The following CNTN5 variants were observed in gnomAD, a reference collection of about 807,000 sequenced individuals.
The protein encoded by CNTN5 is contactin-5.
Under a neutral mutation model 129.1 loss-of-function variants are expected in CNTN5, and 77 were observed. That is an observed-to-expected ratio of 0.60 (90% CI 0.50 to 0.72). The LOEUF is 0.72. Among genes scored for constraint, CNTN5 ranks in the 30% least tolerant of loss-of-function variants. The pLI is 0.00. For synonymous variants in CNTN5, 509 were observed against 465.6 expected (o/e 1.09, Z -1.20); for missense variants, 1,478 against 1,328.8 (o/e 1.11, Z -1.75).
At chr11:99,868,110 G>T (rs968889551) in intron 6 of CNTN5, among the ~76,000 whole-genome samples, 5 of 151,984 alleles carry the variant, frequency 3.3e-5, no homozygotes, top group Non-Finnish European at 5.9e-5. Context: ...CAGCTACTCG[G>T]GAAGATGAGG....
chr11:100,341,006 A>G (rs995133866), intron 22 of CNTN5, 87 bp from the exon 23 acceptor site: 3 of 1,001,764 alleles, frequency 3.0e-6, no homozygotes, highest in Non-Finnish European at 4.7e-6. Context: ...ACTAAGCAGG[A>G]GAAAAGATTG....
At chr11:99,985,073 C>T (rs913081264) in intron 8 of CNTN5, among the ~76,000 whole-genome samples, 1 of 152,244 alleles carries the variant, frequency 6.6e-6, no homozygotes, top group Non-Finnish European at 1.5e-5. Flanking sequence ...CTTCTTCGCT[C>T]CACTACCCAT....
intron 15 of CNTN5, among the ~76,000 whole-genome samples, chr11:100,216,364 T>G (rs527576997): frequency 1.3e-5 from 2 of 152,142 alleles, no homozygotes; most frequent in Non-Finnish European, 2.9e-5. Flanking sequence ...AATATTAATC[T>G]TAAAAGATAA....
intron 6 of CNTN5, among the ~76,000 whole-genome samples, chr11:99,909,353 A>T (rs1454204709): frequency 6.6e-6 from 1 of 152,092 alleles, no homozygotes; most frequent in Non-Finnish European, 1.5e-5. Flanking sequence ...ACACTTTTAC[A>T]CTGTTGGTGG....
Position 99,647,788 on chromosome 11 carries a change from AT to A in CNTN5, c.55+91529del, listed in dbSNP as rs200264282. ...CATTAAATTTATTCCAAGGCATTTT[AT>A]TTTTTTTTTGTATCTATACTAATGG... On this transcript the variant is annotated intron_variant, in intron 3 of 24. Coordinates refer to ENST00000524871, the MANE Select transcript of CNTN5 (RefSeq NM_014361.4). Among the ~76,000 whole-genome samples, 1,045 of 147,568 alleles carry A rather than the reference AT, an allele frequency of 7.1e-3. 68 individuals carry two copies. The East Asian group carries it at 0.17, about 24-fold the overall frequency.
intron 3 of CNTN5, among the ~76,000 whole-genome samples, chr11:99,677,558 T>G (rs1470958814): frequency 6.6e-6 from 1 of 152,174 alleles, no homozygotes; most frequent in Non-Finnish European, 1.5e-5. Context: ...ACTTTTGCAA[T>G]AAGAATAACT....
At chr11:99,305,701 C>T (rs1256121867) in intron 1 of CNTN5, among the ~76,000 whole-genome samples, 21 of 151,966 alleles carry the variant, frequency 1.4e-4, no homozygotes, top group Admixed American at 1.4e-3. Flanking sequence ...TTTATCTTGG[C>T]CAGGTGTGGT....
chr11:99,720,624 T>C (rs1310101281), intron 3 of CNTN5, among the ~76,000 whole-genome samples: 3 of 151,998 alleles, frequency 2.0e-5, no homozygotes, highest in African/African-American at 4.8e-5. Context: ...ACCACTCCTA[T>C]TCAACATAGT....
intron 2 of CNTN5, among the ~76,000 whole-genome samples, chr11:99,327,407 T>G (rs1865831650): frequency 6.6e-6 from 1 of 152,192 alleles, no homozygotes; most frequent in Non-Finnish European, 1.5e-5. Context: ...TCTAATTAAT[T>G]TTTTAGAAGA....
intron 2 of CNTN5, among the ~76,000 whole-genome samples, chr11:99,460,836 TA>T (rs1482541832): frequency 6.6e-6 from 1 of 152,014 alleles, no homozygotes; most frequent in Non-Finnish European, 1.5e-5. Flanking sequence ...TCTTACATAG[TA>T]AAATACATAT....
chr11:99,750,431 A>G (rs764837512), intron 3 of CNTN5, among the ~76,000 whole-genome samples: 1 of 152,168 alleles, frequency 6.6e-6, no homozygotes, highest in Non-Finnish European at 1.5e-5. Flanking sequence ...TTGTAACTAC[A>G]TCAGATTGAT....
At chr11:99,848,905 G>A (rs1450009677) in intron 6 of CNTN5, among the ~76,000 whole-genome samples, 2 of 152,068 alleles carry the variant, frequency 1.3e-5, no homozygotes, top group Non-Finnish European at 2.9e-5. Context: ...CTGTTTAACA[G>A]ACCAGTTCAC....
intron 2 of CNTN5, among the ~76,000 whole-genome samples, chr11:99,475,783 G>C (rs186360908): frequency 7.0e-4 from 106 of 151,720 alleles, no homozygotes; most frequent in Non-Finnish European, 1.2e-3. Flanking sequence ...TTTGTCTAAT[G>C]CTTTTTTTTT....
At chr11:99,944,690 A>G (rs892967748) in intron 7 of CNTN5, among the ~76,000 whole-genome samples, 4 of 152,106 alleles carry the variant, frequency 2.6e-5, no homozygotes, top group African/African-American at 9.7e-5. Context: ...TCAATGTGCA[A>G]AAATCGCAAG....
At chr11:100,105,867 C>T (rs372828743) in intron 13 of CNTN5, among the ~76,000 whole-genome samples, 1 of 152,180 alleles carries the variant, frequency 6.6e-6, no homozygotes, top group Admixed American at 6.5e-5. Flanking sequence ...GTCTTTCACA[C>T]ATGCAAGTTC....
chr11:99,869,220 T>C (rs1038552115), intron 6 of CNTN5, among the ~76,000 whole-genome samples: 17 of 152,170 alleles, frequency 1.1e-4, no homozygotes, highest in Middle Eastern at 3.2e-3. Flanking sequence ...TACATTTTCA[T>C]ACCTGGGCCT....
intron 2 of CNTN5, among the ~76,000 whole-genome samples, chr11:99,533,564 T>G (rs544307858): frequency 9.3e-4 from 142 of 152,312 alleles, no homozygotes; most frequent in African/African-American, 3.2e-3. Flanking sequence ...GGGGCTTCAG[T>G]AGGGAGAAGG....
At chr11:99,452,531 C>T (rs968609799) in intron 2 of CNTN5, among the ~76,000 whole-genome samples, 1 of 151,922 alleles carries the variant, frequency 6.6e-6, no homozygotes, top group Admixed American at 6.6e-5. Flanking sequence ...CGCCACCACA[C>T]CCGGCTAATT....
intron 6 of CNTN5, among the ~76,000 whole-genome samples, chr11:99,851,480 C>T (rs886925400): frequency 3.3e-5 from 5 of 152,206 alleles, no homozygotes; most frequent in African/African-American, 1.2e-4. Flanking sequence ...AACTTTGTCA[C>T]TCTCACACTT....
Sources: gnomAD v4.1 joint callset for allele counts (sites outside exome capture counted in the v4.1 genomes callset) on GRCh38, gnomAD v4.1.1 for gene constraint, MANE v1.5 for transcripts, NCBI Gene and HGNC (gene_info 2026-07-23, HGNC 2026-07-21) for gene names.